MS4A6A: variants seen among roughly 807,000 people sequenced by gnomAD.
MS4A6A encodes membrane spanning 4-domains A6A.
Under a neutral mutation model 20.6 loss-of-function variants are expected in MS4A6A, and 19 were observed. The ratio of observed to expected loss-of-function variants is 0.92; its 90% confidence interval spans 0.64 to 1.36. The LOEUF is 1.36. Ranked by LOEUF, MS4A6A falls within the 40% of genes most tolerant of loss-of-function variation. MS4A6A has a pLI of 0.00. For synonymous variants in MS4A6A, 108 were observed against 105.0 expected (o/e 1.03, Z -0.17); for missense variants, 272 against 261.1 (o/e 1.04, Z -0.29).
chr11:60,175,257 A>T (rs1856772622), intron 5 of MS4A6A, 145 bp downstream of exon 5: 1 of 623,076 alleles, frequency 1.6e-6, no homozygotes. Flanking sequence ...TCATCCCTGT[A>T]GTCCCCTTTG....
chr11:60,174,309 C>A (rs1856727243), intron 5 of MS4A6A, among the ~76,000 whole-genome samples: 1 of 150,516 alleles, frequency 6.6e-6, no homozygotes, highest in African/African-American at 2.4e-5. Flanking sequence ...AACAAATATT[C>A]TGCAATTTCT....
chr11:60,180,692 C>T (rs1191701511), intron 2 of MS4A6A: 4 of 208,492 alleles, frequency 1.9e-5, no homozygotes, highest in South Asian at 7.7e-5. Context: ...TTCTGTTCTA[C>T]GTGTCCATGT....
At position 60,178,276 on chromosome 11, in the gene MS4A6A, C is replaced by T. The variant is rs1856949068; in HGVS notation, c.323G>A (p.Arg108Lys). The T allele has an allele frequency of 6.2e-7, 1 of 1,613,248 alleles. No individual in the cohort carries two copies. Residue 108 changes from arginine (R) to lysine (K), a missense_variant, in exon 4 of 6, where the codon AGG (arginine) becomes AAG (lysine). By Grantham distance (26) the Arg-to-Lys change is conservative. Transcript: ENST00000528851. ...CTTACTCACCAAAAGCTTGGTTAACCTTTTCTCTGTGGCGATTGATAGAGA... is the reference window on the plus strand; with the variant it reads ...CTTACTCACCAAAAGCTTGGTTAACTTTTTCTCTGTGGCGATTGATAGAGA... ...SGSLSIATEKRLTKLLVHSSL... is the reference protein window; with the variant it reads ...SGSLSIATEKKLTKLLVHSSL...
chr11:60,176,413 T>A (rs1225304456), intron 4 of MS4A6A, among the ~76,000 whole-genome samples: 1 of 152,228 alleles, frequency 6.6e-6, no homozygotes, highest in Non-Finnish European at 1.5e-5. Context: ...TATTTCCCAC[T>A]CTGGTTCTCA....
At chr11:60,175,347 A>G (rs1035286253) in intron 5 of MS4A6A, 55 bp downstream of exon 5, 2 of 1,418,396 alleles carry the variant, frequency 1.4e-6, no homozygotes, top group Admixed American at 3.7e-5. Context: ...ATAACAAGAA[A>G]TCAAGGCTTT....
downstream of MS4A6A, chr11:60,171,868 A>G (rs1856602315): frequency 4.3e-6 from 1 of 231,550 alleles, no homozygotes; most frequent in South Asian, 8.6e-5. Context: ...TTTCTGGGAA[A>G]TGTTTCTGGG....
intron 4 of MS4A6A, among the ~76,000 whole-genome samples, chr11:60,176,066 G>T (rs967272955): frequency 6.6e-6 from 1 of 152,178 alleles, no homozygotes; most frequent in South Asian, 2.1e-4. Context: ...AGTAATTGTG[G>T]TTTTTGCCAT....
downstream of MS4A6A, chr11:60,172,419 A>T (rs1856625217): frequency 7.3e-7 from 1 of 1,361,340 alleles, no homozygotes; most frequent in African/African-American, 1.5e-5. Flanking sequence ...CCTAGTATTC[A>T]TTCTACACTC....
In MS4A6A at chr11:60,181,730, T is replaced by A; in HGVS notation, c.-3A>T. 1.2e-6 allele frequency: 2 copies of A among 1,614,062 alleles called. No individual in the cohort carries two copies. Among genetic ancestry groups the A allele is most frequent in the Non-Finnish European group, 1.7e-6 (2 of 1,179,920 alleles). On this transcript the variant is annotated 5_prime_UTR_variant, in exon 2 of 6. Coordinates refer to ENST00000528851, the MANE Select transcript of MS4A6A (RefSeq NM_022349.4). ...TTGGGAACAGGTTGTGATGTCATGA[T>A]GGTGTTGCCAACTATGTAAGAAAAA...
chr11:60,172,267 A>T (rs2134751421), downstream of MS4A6A: 1 of 1,609,292 alleles, frequency 6.2e-7, no homozygotes, highest in Non-Finnish European at 8.5e-7. Flanking sequence ...GAAGAAACAA[A>T]ATATGTTAGG....
intron 4 of MS4A6A, among the ~76,000 whole-genome samples, chr11:60,177,649 TA>T (rs1303882887): frequency 6.6e-6 from 1 of 152,116 alleles, no homozygotes; most frequent in Non-Finnish European, 1.5e-5. Context: ...TCAAACAAAA[TA>T]AAAGTATTAT....
At chr11:60,172,437 C>T (rs1158721094), downstream of MS4A6A, 6 of 1,298,788 alleles carry the variant, frequency 4.6e-6, no homozygotes, top group African/African-American at 1.5e-5. Flanking sequence ...CTCTATAATA[C>T]AATTTTGGAT....
In MS4A6A at chr11:60,175,432, C is replaced by T. The variant is rs375357292; in HGVS notation, c.519G>A (p.Thr173=). The T allele has an allele frequency of 1.7e-4, 269 of 1,613,868 alleles. No homozygotes were observed. Among genetic ancestry groups the T allele is most frequent in the Non-Finnish European group, 2.1e-4 (247 of 1,179,972 alleles). ...GACTGGCTTTGGCTGTATAGCAGTCCGTGGTATAAAGTGAATCATGATAAA... is the reference window on the plus strand; with the variant it reads ...GACTGGCTTTGGCTGTATAGCAGTCTGTGGTATAAAGTGAATCATGATAAA... ...SYFYHDSLYT[T]DCYTAKASLA... Residue 173 remains threonine, a synonymous_variant, in exon 5 of 6, where the codon ACG becomes ACA. Coordinates refer to ENST00000528851, the MANE Select transcript of MS4A6A (RefSeq NM_022349.4).
chr11:60,172,307 A>T, downstream of MS4A6A: 2 of 1,596,112 alleles, frequency 1.3e-6, no homozygotes, highest in Non-Finnish European at 1.7e-6. Context: ...TTCAAGATAG[A>T]TGTATATATG....
intron 2 of MS4A6A, chr11:60,181,176 G>A (rs930208141): frequency 2.1e-4 from 82 of 395,786 alleles, no homozygotes; most frequent in African/African-American, 1.6e-3. Context: ...AGGAAAAGGA[G>A]TTGTATATTT....
chr11:60,183,030 T>C lies in MS4A6A; in HGVS notation c.-67A>G. 1 of 1,435,160 alleles carries C rather than the reference T, an allele frequency of 7.0e-7. No homozygotes were observed. Among genetic ancestry groups the C allele is most frequent in the Non-Finnish European group, 9.1e-7 (1 of 1,102,612 alleles). The allele number at this position is 1,435,160 out of a possible 1,614,324, so 88.9% of individuals were successfully genotyped here. On this transcript the variant is annotated 5_prime_UTR_variant, in exon 1 of 6. Transcript: ENST00000528851. ...TCAGAAGCTCCAAAGAGGTTTTAAC[T>C]CTGGTTTCTCAGTCCCATCAACGGT... is the stretch of plus-strand genomic sequence containing the variant.
intron 2 of MS4A6A, chr11:60,181,026 C>T (rs956596660): frequency 3.5e-5 from 16 of 453,780 alleles, no homozygotes; most frequent in Middle Eastern, 1.4e-3. Context: ...CTCTGTGTTT[C>T]CCTCCCAATC....
At chr11:60,180,724 T>G (rs559062866) in intron 2 of MS4A6A, 1 of 228,112 alleles carries the variant, frequency 4.4e-6, no homozygotes, top group African/African-American at 2.3e-5. Context: ...TTAGAGGCCA[T>G]CCCCCTTAGC....
chr11:60,181,427 C>T, intron 2 of MS4A6A, 154 bp downstream of exon 2: 1 of 781,258 alleles, frequency 1.3e-6, no homozygotes, highest in Non-Finnish European at 2.0e-6. Context: ...TGGAAAAGTT[C>T]TGGGACAGTT....
Sources: gnomAD v4.1 joint callset for allele counts (sites outside exome capture counted in the v4.1 genomes callset) on GRCh38, gnomAD v4.1.1 for gene constraint, MANE v1.5 for transcripts, NCBI Gene and HGNC (gene_info 2026-07-23, HGNC 2026-07-21) for gene names.